The following PODNL1 variants were observed in gnomAD, a reference collection of about 807,000 sequenced individuals.
PODNL1 encodes podocan like 1.
Under a neutral mutation model 45.1 loss-of-function variants are expected in PODNL1, and 50 were observed. The observed-to-expected ratio is 1.11, with a 90% CI of 0.88 to 1.40. The LOEUF is 1.40. PODNL1 is among the 40% of genes most tolerant of loss of function. The probability of loss-of-function intolerance (pLI) is 0.00; values close to 1 mark genes in which losing one functional copy is unlikely to be tolerated. For missense variants in PODNL1, 788 were observed against 793.3 expected, an observed-to-expected ratio of 0.99 and a Z score of 0.08; for synonymous variants, 406 against 372.5, an observed-to-expected ratio of 1.09 and a Z score of -1.04.
At chr19:13,944,582 C>T (rs981716565) in intron 1 of PODNL1, among the ~76,000 whole-genome samples, 4 of 152,036 alleles carry the variant, frequency 2.6e-5, no homozygotes, top group African/African-American at 4.8e-5. Context: ...CTCAGCCTCC[C>T]GAGTAGCTGG....
At chr19:13,953,313 G>C in exon 1 of PODNL1, 1 of 587,896 alleles carries the variant, frequency 1.7e-6, no homozygotes, top group Admixed American at 3.5e-5. Flanking sequence ...TTGCAGGTGG[G>C]CAGTAACTGG....
intron 1 of PODNL1, among the ~76,000 whole-genome samples, chr19:13,943,853 G>A (rs910361086): frequency 2.0e-5 from 3 of 152,098 alleles, no homozygotes; most frequent in African/African-American, 7.2e-5. Flanking sequence ...ATCCTTAACT[G>A]AATTACATCG....
In PODNL1 at chr19:13,938,054, G is replaced by T. The variant is rs942502507; in HGVS notation, c.4-48C>A. 4 of 1,451,376 alleles carry T rather than the reference G, an allele frequency of 2.8e-6. No individual in the cohort carries two copies. The African/African-American group carries it at 4.2e-5, about 15-fold the overall frequency. 89.9% of individuals were successfully genotyped at this position (1,451,376 alleles called of 1,614,324 possible). On this transcript the variant is annotated intron_variant, in intron 1 of 9. Transcript: ENST00000588872. ...GTGTCTCCAGGCTGGGCGCAGGGTC[G>T]CCATGGTGACTGGAGCATCCCCTCC... is the stretch of plus-strand genomic sequence containing the variant.
rs1403800568 is a variant in PODNL1 at position 13,936,392 on chromosome 19, G to T, written c.294C>A (p.Leu98=). 6.2e-7 allele frequency: 1 copy of T among 1,613,480 alleles called. No individual in the cohort carries two copies. The change falls in exon 3 of 10, where the codon CTC becomes CTA. Residue 98 remains leucine (L), a synonymous_variant. Coordinates refer to ENST00000588872, the MANE Select transcript of PODNL1 (RefSeq NM_001370095.3). ...SRLSGLRTLN[L]HNNLISSEGL... ...CTTCGGAGGAGATGAGGTTGTTGTG[G>T]AGGTTGAGGGTTCGCAGGCCACTGA...
chr19:13,938,371 G>T lies in PODNL1; in HGVS notation c.-190C>A. On this transcript the variant is annotated 5_prime_UTR_variant, in exon 1 of 10. Coordinates refer to ENST00000588872, the MANE Select transcript of PODNL1 (RefSeq NM_001370095.3). ...TGGCCCACCCCCTTCCCCGCCCTGG[G>T]GAGGACGGGCAGGCGGCCGGATGGG... 1 of 1,398,890 alleles carries T rather than the reference G, an allele frequency of 7.1e-7. No homozygotes were observed. The highest frequency in any genetic ancestry group is 1.4e-5 in the African/African-American group (1 of 69,158). 86.7% of individuals were successfully genotyped at this position (1,398,890 alleles called of 1,614,324 possible).
intron 1 of PODNL1, among the ~76,000 whole-genome samples, chr19:13,951,455 G>C (rs1238256111): frequency 1.3e-5 from 2 of 151,938 alleles, no homozygotes; most frequent in Non-Finnish European, 2.9e-5. Context: ...GGACAACTTG[G>C]TGAAACTCCG....
Position 13,932,786 on chromosome 19 carries a change from C to A in PODNL1, c.1425+12G>T. 1 of 1,613,024 alleles carries A rather than the reference C, an allele frequency of 6.2e-7. No homozygotes were observed. Among genetic ancestry groups the A allele is most frequent in the Non-Finnish European group, 8.5e-7 (1 of 1,180,018 alleles). ...CCCTGGGGACAGTGTGGCTAACCAG[C>A]CTGTGCCTGACCTGGAGGGCTTGGA... On this transcript the variant is annotated intron_variant, in intron 8 of 9. Coordinates refer to ENST00000588872, the MANE Select transcript of PODNL1 (RefSeq NM_001370095.3).
In PODNL1 at chr19:13,937,885, C is replaced by T. The variant is rs765648368; in HGVS notation, c.125G>A (p.Arg42His). 7.6e-6 allele frequency: 12 copies of T among 1,580,434 alleles called. No homozygotes were observed. Among genetic ancestry groups the T allele is most frequent in the South Asian group, 1.2e-5 (1 of 86,502 alleles). ...AGTGTCGACTCGGGGGCAGGAGCAG[C>T]GCAGGGGACAGGCCCGGGGCAGGGG... ...LQPLPRACPL[R>H]CSCPRVDTVD... The change falls in exon 2 of 10, where the codon CGC becomes CAC. Residue 42 changes from arginine to histidine, a missense_variant. Arg to His is a conservative substitution (Grantham distance 29). Transcript: ENST00000588872.
intron 6 of PODNL1, 60 bp from the exon 7 acceptor site, chr19:13,934,053 G>A (rs1972151423): frequency 2.0e-6 from 3 of 1,478,082 alleles, no homozygotes; most frequent in Non-Finnish European, 2.8e-6. Flanking sequence ...GGAAGCCACA[G>A]ACGGCTCTTG....
rs1336531573 is a variant in PODNL1 at position 13,947,489 on chromosome 19, AAAAG to A, written c.18+5626_18+5629del. 4.1e-3 allele frequency among the ~76,000 whole-genome samples: 619 copies of A among 152,050 alleles called. 5 individuals are homozygous for A. The highest frequency in any genetic ancestry group is 0.027 in the Middle Eastern group (8 of 294). ...AGAGCAAAACTCCACCTCAAAAAAA[AAAAG>A]AAAAAAAAAAGAATTGAGGTAAATT... On this transcript the variant is annotated intron_variant, in intron 1 of 7. Transcript: ENST00000538371.
chr19:13,941,094 G>A (rs912259739), upstream of PODNL1, among the ~76,000 whole-genome samples: 5 of 151,922 alleles, frequency 3.3e-5, no homozygotes, highest in Admixed American at 2.6e-4. Context: ...GGCCAAGGAC[G>A]GTGGCTCACA....
At chr19:13,952,982 C>CT in intron 1 of PODNL1, 2 of 1,079,704 alleles carry the variant, frequency 1.9e-6, no homozygotes, top group Non-Finnish European at 2.7e-6. Context: ...TTTCAAAGCT[C>CT]TGCTCCCATG....
chr19:13,944,226 C>G (rs1436325445), intron 1 of PODNL1, among the ~76,000 whole-genome samples: 1 of 151,982 alleles, frequency 6.6e-6, no homozygotes, highest in Non-Finnish European at 1.5e-5. Context: ...GTGGCGCAAT[C>G]TCGGCGGCTC....
intron 5 of PODNL1, among the ~76,000 whole-genome samples, chr19:13,934,936 A>G (rs1261215439): frequency 1.3e-5 from 2 of 149,448 alleles, no homozygotes; most frequent in African/African-American, 2.5e-5. Flanking sequence ...CAAAAGTGTG[A>G]GCATTGTGTA....
intron 2 of PODNL1, among the ~76,000 whole-genome samples, chr19:13,937,447 C>T (rs1475324065): frequency 6.8e-6 from 1 of 146,330 alleles, no homozygotes; most frequent in Non-Finnish European, 1.5e-5. Flanking sequence ...AATGTGCCAT[C>T]ACCCCCACCA....
At chr19:13,953,022 C>CT in intron 1 of PODNL1, 1 of 1,389,062 alleles carries the variant, frequency 7.2e-7, no homozygotes, top group Non-Finnish European at 1.0e-6. Flanking sequence ...TTCCCGCCCC[C>CT]TTTGCAGAGC....
Position 13,935,725 on chromosome 19 carries a change from G to C in PODNL1, c.490C>G (p.Leu164Val), listed in dbSNP as rs1043903854. The C allele has an allele frequency of 6.4e-7, 1 of 1,563,256 alleles. No homozygotes were observed. Among genetic ancestry groups the C allele is most frequent in the African/African-American group, 1.4e-5 (1 of 72,622 alleles). ...CTGGGCTGGGCCAGGGTCTACCTGAGTGCCGGCTTCTCCCCAAAGGTGAGG... is the reference window on the plus strand; with the variant it reads ...CTGGGCTGGGCCAGGGTCTACCTGACTGCCGGCTTCTCCCCAAAGGTGAGG... ...FPLTFGEKPA[L>V]RSVYLHNNQL... The change falls in exon 5 of 10, where the codon CTC (leucine) becomes GTC (valine). Residue 164 changes from leucine (L) to valine (V), a missense_variant. Around this residue, in one of 3 missense-constraint regions of PODNL1, gnomAD observed 762 missense variants for 750.9 expected, o/e 1.01. Coordinates refer to ENST00000588872, the MANE Select transcript of PODNL1 (RefSeq NM_001370095.3).
At chr19:13,932,237 C>T in intron 8 of PODNL1, 125 bp from the exon 9 acceptor site, 1 of 1,197,052 alleles carries the variant, frequency 8.4e-7, no homozygotes, top group South Asian at 4.3e-5. Flanking sequence ...CTGCCCCCCA[C>T]CCCCCATGAT....
chr19:13,953,366 T>G, exon 1 of PODNL1: 1 of 490,106 alleles, frequency 2.0e-6, no homozygotes. Flanking sequence ...GCCTTCTCCG[T>G]GAGGCTGGTA....
Sources: gnomAD v4.1 joint callset for allele counts (sites outside exome capture counted in the v4.1 genomes callset) on GRCh38, gnomAD v4.1.1 for gene constraint, gnomAD v4.1.1 regional missense constraint, MANE v1.5 for transcripts, NCBI Gene and HGNC (gene_info 2026-07-23, HGNC 2026-07-21) for gene names.